Variants in TRPM3 observed in about 807,000 individuals in gnomAD.
TRPM3 encodes transient receptor potential cation channel subfamily M member 3.
Under a neutral mutation model 181.2 loss-of-function variants are expected in TRPM3, and 77 were observed. The observed-to-expected ratio is 0.42, with a 90% CI of 0.35 to 0.51. The LOEUF (loss-of-function observed/expected upper bound fraction) is 0.51. Among genes scored for constraint, TRPM3 ranks in the 20% least tolerant of loss-of-function variants. The pLI is 0.01. For missense variants in TRPM3, 1,759 were observed against 2,196.7 expected (o/e 0.80, Z 3.98); for synonymous variants, 745 against 796.4 (o/e 0.94, Z 1.09).
At chr9:70,927,562 T>A (rs1049316175) in intron 1 of TRPM3, among the ~76,000 whole-genome samples, 8 of 152,220 alleles carry the variant, frequency 5.3e-5, no homozygotes, top group African/African-American at 1.9e-4. Context: ...TTCTATCAAC[T>A]CTCTTGGATT....
At chr9:71,017,419 A>G (rs977848174) in intron 1 of TRPM3, among the ~76,000 whole-genome samples, 1 of 151,984 alleles carries the variant, frequency 6.6e-6, no homozygotes, top group Non-Finnish European at 1.5e-5. Flanking sequence ...AACAAATAAG[A>G]AAACAACTAA....
chr9:70,592,757 G>A (rs2058333814), intron 21 of TRPM3, among the ~76,000 whole-genome samples: 1 of 152,046 alleles, frequency 6.6e-6, no homozygotes, highest in Non-Finnish European at 1.5e-5. Context: ...TTCAGATGGA[G>A]TCTCATTCTG....
intron 22 of TRPM3, among the ~76,000 whole-genome samples, chr9:70,569,517 T>C (rs1588566494): frequency 6.6e-6 from 1 of 152,196 alleles, no homozygotes; most frequent in Non-Finnish European, 1.5e-5. Context: ...TTGCCATGGA[T>C]ATGCACTGCT....
At chr9:71,016,082 C>A (rs2134432892) in intron 1 of TRPM3, among the ~76,000 whole-genome samples, 1 of 149,588 alleles carries the variant, frequency 6.7e-6, no homozygotes, top group African/African-American at 2.5e-5. Flanking sequence ...GTAGTCCCAG[C>A]TACTTGTGAG....
rs112848055 is a variant in TRPM3 at position 70,916,847 on chromosome 9, C to T, written c.178-52336G>A. ...ACTTCACAGTATGGTGATACATCTA[C>T]TGAACTGGCAATCATAAATCAAACT... On this transcript the variant is annotated intron_variant, in intron 1 of 25. Transcript: ENST00000677713. The T allele has an allele frequency of 4.4e-4, 243 of 553,236 alleles. 1 individual carries two copies. Among genetic ancestry groups the T allele is most frequent in the African/African-American group, 4.2e-3 (225 of 53,428 alleles). 34.3% of individuals were successfully genotyped at this position (553,236 alleles called of 1,614,324 possible).
At chr9:70,923,418 C>A (rs550874705) in intron 1 of TRPM3, among the ~76,000 whole-genome samples, 13 of 152,052 alleles carry the variant, frequency 8.5e-5, no homozygotes, top group Admixed American at 4.6e-4. Flanking sequence ...GCTTTGTAGC[C>A]TCTCCCATGG....
intron 1 of TRPM3, among the ~76,000 whole-genome samples, chr9:71,441,461 A>G (rs1180386618): frequency 6.6e-6 from 1 of 152,220 alleles, no homozygotes; most frequent in Non-Finnish European, 1.5e-5. Context: ...TAAAGGTTTA[A>G]TGACATTGCA....
chr9:71,121,359 T>C lies in TRPM3; in HGVS notation c.-5A>G. ...GGTCCCCCACGGCTCTGGCATCCCA[T>C]GGTCATCTCCACACCTGCAAATTCC... is the stretch of plus-strand genomic sequence containing the variant. On this transcript the variant is annotated 5_prime_UTR_variant, in exon 1 of 26. It removes an upstream start codon present in the reference 5' UTR. Transcript: ENST00000677713. The C allele has an allele frequency of 6.2e-7, 1 of 1,613,248 alleles. No individual in the cohort carries two copies. The highest frequency in any genetic ancestry group is 8.5e-7 in the Non-Finnish European group (1 of 1,179,768).
intron 5 of TRPM3, among the ~76,000 whole-genome samples, chr9:70,837,732 C>G: frequency 6.6e-6 from 1 of 152,182 alleles, no homozygotes; most frequent in East Asian, 1.9e-4. Context: ...TCAGAATCCT[C>G]TATCCAGGTC....
In TRPM3 at chr9:70,965,383, A is replaced by G. The variant is rs533424635; in HGVS notation, c.178-100872T>C. 2.0e-4 allele frequency among the ~76,000 whole-genome samples: 31 copies of G among 152,234 alleles called. No homozygotes were observed. In the South Asian group the frequency reaches 5.4e-3, roughly 26 times the overall value. On this transcript the variant is annotated intron_variant, in intron 1 of 25. Coordinates refer to ENST00000677713, the MANE Select transcript of TRPM3 (RefSeq NM_001366145.2). The stretch of plus-strand genomic sequence containing the variant: ...TTTATCCCCCCCTTTTTGAACAAAA[A>G]TGATTTTGAAGACCAAATCACAGAT...
chr9:71,313,003 T>G (rs556635319), intron 1 of TRPM3, among the ~76,000 whole-genome samples: 1 of 152,094 alleles, frequency 6.6e-6, no homozygotes, highest in Non-Finnish European at 1.5e-5. Flanking sequence ...CCAAAACTCA[T>G]AGAATGTACA....
intron 22 of TRPM3, among the ~76,000 whole-genome samples, chr9:70,568,802 A>G (rs1383014195): frequency 1.3e-5 from 2 of 152,212 alleles, no homozygotes; most frequent in African/African-American, 4.8e-5. Flanking sequence ...AGATATCTGC[A>G]TTTAGACTTT....
intron 1 of TRPM3, among the ~76,000 whole-genome samples, chr9:71,028,628 A>AT (rs1423580285): frequency 4.0e-5 from 6 of 151,324 alleles, no homozygotes; most frequent in Non-Finnish European, 7.4e-5. Flanking sequence ...AATCTACCAA[A>AT]TGAAAAAAAA....
In TRPM3 at chr9:70,537,100, G is replaced by A; in HGVS notation, c.4013C>T (p.Thr1338Ile). ...DPAGEETMSP[T>I]SPTLMPRMRS... ...CATACGGGGCATTAAGGTTGGAGAA[G>A]TTGGGGACATGGTCTCCTCACCTGC... The change falls in exon 26 of 26, where the codon ACT (threonine) becomes ATT (isoleucine). Residue 1338 changes from threonine to isoleucine, a missense_variant. Thr to Ile is a moderately conservative substitution (Grantham distance 89). Around this residue, in one of 8 missense-constraint regions of TRPM3, gnomAD observed 612 missense variants for 590.0 expected, o/e 1.04. Transcript: ENST00000677713. 6.2e-7 allele frequency: 1 copy of A among 1,609,512 alleles called. No homozygotes were observed. The highest frequency in any genetic ancestry group is 1.7e-5 in the Admixed American group (1 of 59,932).
intron 1 of TRPM3, among the ~76,000 whole-genome samples, chr9:71,314,251 A>G (rs1345395688): frequency 1.3e-5 from 2 of 152,152 alleles, no homozygotes; most frequent in Non-Finnish European, 2.9e-5. Flanking sequence ...TAAATACACC[A>G]AGAACACAGT....
chr9:71,319,244 TA>T (rs35961429), intron 1 of TRPM3, among the ~76,000 whole-genome samples: 108,957 of 151,816 alleles, frequency 0.72, 41,082 homozygotes, highest in East Asian at 0.82. Flanking sequence ...AGAAAGAGGT[TA>T]ATGACCGCTC....
At chr9:70,629,214 C>CGGGGGG (rs749123989) in intron 12 of TRPM3, among the ~76,000 whole-genome samples, 14,312 of 19,284 alleles carry the variant, frequency 0.74, 5,674 homozygotes, top group Non-Finnish European at 0.84. Context: ...GTGACCAGTG[C>CGGGGGG]CGGGGGGGGG....
rs116751131 is a variant in TRPM3, at chr9:70,862,005, G to A, written c.462+903C>T. Among the ~76,000 whole-genome samples the A allele has an allele frequency of 5.8e-3, 881 of 152,002 alleles. 11 individuals carry two copies. The highest frequency in any genetic ancestry group is 0.02 in the African/African-American group (842 of 41,468). On this transcript the variant is annotated intron_variant, in intron 3 of 25. Transcript: ENST00000677713. ...GAGAGGTAAGAAAAGAGAAGAAAGA[G>A]GTGGCTTTATTGCACAGTTTTAGAC...
At chr9:71,322,810 T>C (rs1440554324) in intron 1 of TRPM3, among the ~76,000 whole-genome samples, 4 of 152,160 alleles carry the variant, frequency 2.6e-5, no homozygotes, top group Non-Finnish European at 5.9e-5. Flanking sequence ...GATCCCAGCA[T>C]TGCCAAAGTT....
Sources: allele counts gnomAD v4.1 joint callset (sites outside exome capture counted in the v4.1 genomes callset), GRCh38; gene constraint gnomAD v4.1.1; regional missense constraint gnomAD v4.1.1; transcripts MANE v1.5; gene names NCBI Gene and HGNC (gene_info 2026-07-23, HGNC 2026-07-21).